The following SPAG16 variants were observed in gnomAD, a reference collection of about 807,000 sequenced individuals.
SPAG16 encodes sperm associated antigen 16, also known as sperm-associated antigen 16 protein.
A neutral mutation model predicts 80.4 loss-of-function variants in SPAG16; 86 were observed. The observed-to-expected ratio is 1.07, with a 90% CI of 0.90 to 1.28. The LOEUF (loss-of-function observed/expected upper bound fraction) is 1.28. Ranked by LOEUF, SPAG16 falls within the 50% of genes most tolerant of loss-of-function variation. SPAG16 has a pLI of 0.00. For missense variants in SPAG16, 870 were observed against 765.3 expected, an observed-to-expected ratio of 1.14 and a Z score of -1.61; for synonymous variants, 294 against 265.9, an observed-to-expected ratio of 1.11 and a Z score of -1.03.
chr2:214,152,997 G>C (rs1336725167), intron 15 of SPAG16, among the ~76,000 whole-genome samples: 1 of 152,138 alleles, frequency 6.6e-6, no homozygotes, highest in African/African-American at 2.4e-5. Flanking sequence ...GCATCACAGG[G>C]AGATGGTTAG....
chr2:214,250,439 C>A (rs1690166399), intron 15 of SPAG16, among the ~76,000 whole-genome samples: 1 of 150,734 alleles, frequency 6.6e-6, no homozygotes, highest in Non-Finnish European at 1.5e-5. Flanking sequence ...TGAATGAATT[C>A]ACAAATTCTC....
rs372505302 is a variant in SPAG16 at position 213,993,543 on chromosome 2, A to G, written c.1401-20408A>G. On this transcript the variant is annotated intron_variant, in intron 12 of 15. Transcript: ENST00000331683. ...TTATACCTACATTGAGCCTAGTTCT[A>G]GGTTCAGGCCAAAAAACAAGGGATA... is the stretch of plus-strand genomic sequence containing the variant. Among the ~76,000 whole-genome samples the G allele has an allele frequency of 6.6e-4, 100 of 152,316 alleles. 1 individual carries two copies. In the South Asian group the frequency reaches 0.016, roughly 25 times the overall value.
At position 214,014,078 on chromosome 2, in the gene SPAG16, G is replaced by A. The variant is rs148142146; in HGVS notation, c.1527+1G>A. The stretch of plus-strand genomic sequence containing the variant: ...CCTGTCTATATGGGATGCAAGAACA[G>A]TAAGCAAATCATTCACTTTTTTTCC... On this transcript the variant is annotated splice_donor_variant, in intron 13 of 15. Coordinates refer to ENST00000331683, the MANE Select transcript of SPAG16 (RefSeq NM_024532.5). LOFTEE classifies it high-confidence loss of function. 3.0e-5 allele frequency: 49 copies of A among 1,611,752 alleles called. No homozygotes were observed. Among genetic ancestry groups the A allele is most frequent in the Non-Finnish European group, 3.6e-5 (42 of 1,179,280 alleles).
intron 15 of SPAG16, among the ~76,000 whole-genome samples, chr2:214,381,352 C>G (rs1461175705): frequency 6.6e-6 from 1 of 152,140 alleles, no homozygotes; most frequent in African/African-American, 2.4e-5. Flanking sequence ...TATGAAAGAG[C>G]AATGATACCT....
intron 10 of SPAG16, among the ~76,000 whole-genome samples, chr2:213,644,983 G>T (rs749338875): frequency 2.0e-5 from 3 of 152,214 alleles, no homozygotes; most frequent in Non-Finnish European, 4.4e-5. Flanking sequence ...CAAAGGCACT[G>T]TCCAGGAGTC....
chr2:214,158,876 T>C (rs1399573791), intron 15 of SPAG16, among the ~76,000 whole-genome samples: 1 of 152,016 alleles, frequency 6.6e-6, no homozygotes, highest in Non-Finnish European at 1.5e-5. Flanking sequence ...AAAAACAATT[T>C]TAATCTAGCA....
At position 214,006,750 on chromosome 2, in the gene SPAG16, T is replaced by C. The variant is rs529859193; in HGVS notation, c.1401-7201T>C. ...GAATGGGCCTTCCTTCTCTGGCAGC[T>C]AATTAATCTTTCACAAGCCTACTCT... On this transcript the variant is annotated intron_variant, in intron 12 of 15. Transcript: ENST00000331683. Among the ~76,000 whole-genome samples, 6 of 152,360 alleles carry C rather than the reference T, an allele frequency of 3.9e-5. No individual in the cohort carries two copies. The East Asian group carries it at 1.2e-3, about 29-fold the overall frequency.
intron 14 of SPAG16, among the ~76,000 whole-genome samples, chr2:214,138,837 T>C (rs530650365): frequency 1.3e-5 from 2 of 152,120 alleles, no homozygotes; most frequent in East Asian, 1.9e-4. Flanking sequence ...TGAGCCAGAT[T>C]CCTACCCCTT....
chr2:213,490,992 G>C (rs866637328), intron 10 of SPAG16, among the ~76,000 whole-genome samples: 5 of 151,902 alleles, frequency 3.3e-5, no homozygotes, highest in Non-Finnish European at 7.4e-5. Flanking sequence ...TGCTCTTGAT[G>C]ACCATATGGC....
intron 10 of SPAG16, among the ~76,000 whole-genome samples, chr2:213,701,588 C>A (rs1380777258): frequency 6.6e-6 from 1 of 152,136 alleles, no homozygotes; most frequent in African/African-American, 2.4e-5. Flanking sequence ...GTCCCATCGA[C>A]CTTCCAAGGG....
At chr2:213,981,724 A>G (rs1469309754) in intron 12 of SPAG16, among the ~76,000 whole-genome samples, 2 of 152,034 alleles carry the variant, frequency 1.3e-5, no homozygotes. Flanking sequence ...ATTATATATA[A>G]TAGATTTATA....
At chr2:214,095,274 C>T (rs2052510219) in intron 13 of SPAG16, among the ~76,000 whole-genome samples, 1 of 152,006 alleles carries the variant, frequency 6.6e-6, no homozygotes, top group Non-Finnish European at 1.5e-5. Context: ...CCTAGCTCAT[C>T]ACATATAACA....
Position 213,980,706 on chromosome 2 carries a change from G to A in SPAG16, c.1401-33245G>A, listed in dbSNP as rs1315519426. ...GTATATATAGAATATATGTGTGTGT[G>A]TGTGTGTATATATATATATAGAGAG... On this transcript the variant is annotated intron_variant, in intron 12 of 15. Coordinates refer to ENST00000331683, the MANE Select transcript of SPAG16 (RefSeq NM_024532.5). Among the ~76,000 whole-genome samples, 55 of 77,554 alleles carry A rather than the reference G, an allele frequency of 7.1e-4. 1 individual carries two copies. The highest frequency in any genetic ancestry group is 2.4e-3 in the South Asian group (3 of 1,252). 50.9% of individuals were successfully genotyped at this position (77,554 alleles called of 152,430 possible). A position where few individuals can be genotyped will look rare whatever the true frequency, so the allele number is the denominator to read the frequency against.
intron 10 of SPAG16, among the ~76,000 whole-genome samples, chr2:213,603,060 T>C (rs1479228101): frequency 6.6e-6 from 1 of 152,224 alleles, no homozygotes; most frequent in Non-Finnish European, 1.5e-5. Flanking sequence ...TATTTCTCAT[T>C]CATTTGCGTG....
intron 10 of SPAG16, among the ~76,000 whole-genome samples, chr2:213,646,536 T>TTTACA (rs2062830949): frequency 6.6e-6 from 1 of 152,224 alleles, no homozygotes; most frequent in Admixed American, 6.5e-5. Flanking sequence ...TTAATAGTGA[T>TTTACA]TAGAGAATTA....
In SPAG16 at chr2:214,271,749, G is replaced by A. The variant is rs536869445; in HGVS notation, c.1720+122483G>A. ...TGGGAGGCGGAGATTGCAGTGAGCC[G>A]ACATTGTGCCACTGCACTCCAGCCT... is the stretch of plus-strand genomic sequence containing the variant. On this transcript the variant is annotated intron_variant, in intron 15 of 15. Coordinates refer to ENST00000331683, the MANE Select transcript of SPAG16 (RefSeq NM_024532.5). Among the ~76,000 whole-genome samples the A allele has an allele frequency of 7.9e-5, 12 of 151,758 alleles. No individual in the cohort carries two copies. In the South Asian group the frequency reaches 1.0e-3, roughly 13 times the overall value.
intron 15 of SPAG16, among the ~76,000 whole-genome samples, chr2:214,372,411 C>CA (rs1328462583): frequency 5.3e-5 from 8 of 151,940 alleles, no homozygotes; most frequent in African/African-American, 1.7e-4. Context: ...TTTCCTAAAA[C>CA]AAAAAAATCA....
Position 213,328,251 on chromosome 2 carries a change from G to A in SPAG16, c.536+10895G>A, listed in dbSNP as rs567753809. ...TAGAGCTAACTTGTTTTGATAGCCC[G>A]CTCAGGATATTCTGTACAACTTTTT... On this transcript the variant is annotated intron_variant, in intron 5 of 15. Transcript: ENST00000331683. Among the ~76,000 whole-genome samples the A allele has an allele frequency of 2.6e-5, 4 of 152,052 alleles. No individual in the cohort carries two copies. The South Asian group carries it at 6.2e-4, about 24-fold the overall frequency.
intron 12 of SPAG16, among the ~76,000 whole-genome samples, chr2:213,996,275 T>G (rs1337822756): frequency 1.3e-5 from 2 of 152,220 alleles, no homozygotes; most frequent in African/African-American, 4.8e-5. Flanking sequence ...AATACAATTT[T>G]AAAGCAGATA....
Sources: gnomAD v4.1 joint callset for allele counts (sites outside exome capture counted in the v4.1 genomes callset) on GRCh38, gnomAD v4.1.1 for gene constraint, MANE v1.5 for transcripts, NCBI Gene and HGNC (gene_info 2026-07-23, HGNC 2026-07-21) for gene names.